Variants in KHDRBS1 observed in about 807,000 individuals in gnomAD.
KHDRBS1 encodes KH RNA binding domain containing, signal transduction associated 1, also known as KH domain-containing, RNA-binding, signal transduction-associated protein 1.
KHDRBS1 carries 7 observed loss-of-function variants against 48.4 expected under a neutral mutation model. That is an observed-to-expected ratio of 0.14 (90% CI 0.08 to 0.27). The LOEUF (loss-of-function observed/expected upper bound fraction) is 0.27. Among genes scored for constraint, KHDRBS1 ranks in the 10% least tolerant of loss-of-function variants. KHDRBS1 has a pLI of 1.00. For missense variants in KHDRBS1, 458 were observed against 601.2 expected (o/e 0.76, Z 2.49); for synonymous variants, 241 against 235.8 (o/e 1.02, Z -0.20).
In KHDRBS1 at chr1:32,037,028, C is replaced by T. The variant is rs1283601987; in HGVS notation, c.890C>T (p.Pro297Leu). The T allele has an allele frequency of 1.2e-6, 2 of 1,613,858 alleles. No homozygotes were observed. The highest frequency in any genetic ancestry group is 1.7e-6 in the Non-Finnish European group (2 of 1,179,924). The change falls in exon 5 of 9, where the codon CCA (proline) becomes CTA (leucine). Residue 297 changes from proline to leucine, a missense_variant. Coordinates refer to ENST00000327300, the MANE Select transcript of KHDRBS1 (RefSeq NM_006559.3). Reference protein sequence around the residue: ...PVRGRGAAPPPPPVPRGRGVG... With the variant: ...PVRGRGAAPPLPPVPRGRGVG... Reference sequence around the variant, plus strand: ...AGAGGCCGGGGAGCTGCACCTCCTCCACCACCTGTTCCCAGGTAAAAATAA... The same window carrying T: ...AGAGGCCGGGGAGCTGCACCTCCTCTACCACCTGTTCCCAGGTAAAAATAA...
chr1:32,049,791 A>T (rs1639395897), intron 10 of KHDRBS1, among the ~76,000 whole-genome samples: 1 of 151,268 alleles, frequency 6.6e-6, no homozygotes. Context: ...CCTCCCAAGC[A>T]GCTGGGAATA....
At chr1:32,027,946 C>T (rs570449129) in intron 1 of KHDRBS1, among the ~76,000 whole-genome samples, 1 of 152,244 alleles carries the variant, frequency 6.6e-6, no homozygotes, top group South Asian at 2.1e-4. Context: ...AACCCCATCT[C>T]TACTAAAAAT....
At chr1:32,018,626 G>A (rs1205282758) in intron 1 of KHDRBS1, among the ~76,000 whole-genome samples, 2 of 152,058 alleles carry the variant, frequency 1.3e-5, no homozygotes, top group East Asian at 1.9e-4. Context: ...GCGCAGTGGC[G>A]GGCGCCTGTA....
chr1:32,019,410 C>T lies in KHDRBS1; in HGVS notation c.382+5033C>T, dbSNP rs185320984. On this transcript the variant is annotated intron_variant, in intron 1 of 8. Coordinates refer to ENST00000327300, the MANE Select transcript of KHDRBS1 (RefSeq NM_006559.3). ...ACTAAAAATACAAAAATTAGTTGGG[C>T]GTGGTGGCAGGTGCCTGTAATGCCG... Among the ~76,000 whole-genome samples, 1,036 of 151,476 alleles carry T rather than the reference C, an allele frequency of 6.8e-3. 17 individuals carry two copies. Among genetic ancestry groups the T allele is most frequent in the African/African-American group, 0.024 (993 of 41,302 alleles).
intron 1 of KHDRBS1, among the ~76,000 whole-genome samples, chr1:32,016,564 G>T (rs545111826): frequency 9.9e-5 from 15 of 152,200 alleles, no homozygotes; most frequent in Non-Finnish European, 2.2e-4. Flanking sequence ...GGGCAGTGAA[G>T]ATGATAAGGC....
At chr1:32,034,706 G>A (rs528624334) in intron 4 of KHDRBS1, among the ~76,000 whole-genome samples, 2 of 152,030 alleles carry the variant, frequency 1.3e-5, no homozygotes, top group African/African-American at 2.4e-5. Context: ...GGCAGGGCGC[G>A]GTGGCTCACA....
intron 1 of KHDRBS1, among the ~76,000 whole-genome samples, chr1:32,014,589 C>T (rs1174476760): frequency 1.3e-5 from 2 of 152,238 alleles, no homozygotes; most frequent in Non-Finnish European, 2.9e-5. Flanking sequence ...CCGAAGGCGA[C>T]TTTGCGATCC....
At chr1:32,035,970 A>G (rs1234978416) in intron 4 of KHDRBS1, among the ~76,000 whole-genome samples, 2 of 152,128 alleles carry the variant, frequency 1.3e-5, no homozygotes, top group African/African-American at 2.4e-5. Context: ...GGTGGACAAA[A>G]AAGACAGTAT....
intron 1 of KHDRBS1, among the ~76,000 whole-genome samples, chr1:32,019,081 G>C (rs1225059559): frequency 6.6e-6 from 1 of 152,224 alleles, no homozygotes; most frequent in South Asian, 2.1e-4. Flanking sequence ...CTGGGCGACA[G>C]AGCGAGACTC....
At position 32,014,119 on chromosome 1, in the gene KHDRBS1, C is replaced by T. The variant is rs1203713437; in HGVS notation, c.124C>T (p.His42Tyr). 1 of 1,417,086 alleles carries T rather than the reference C, an allele frequency of 7.1e-7. No homozygotes were observed. Among genetic ancestry groups the T allele is most frequent in the Non-Finnish European group, 9.2e-7 (1 of 1,086,588 alleles). The allele number at this position is 1,417,086 out of a possible 1,614,324, so 87.8% of individuals were successfully genotyped here. A position where few individuals can be genotyped will look rare whatever the true frequency, so the allele number is the denominator to read the frequency against. The change falls in exon 1 of 9, where the codon CAC (histidine) becomes TAC (tyrosine). Residue 42 changes from histidine (H) to tyrosine (Y), a missense_variant. His to Tyr is a moderately conservative substitution (Grantham distance 83). Around this residue, in one of 3 missense-constraint regions of KHDRBS1, gnomAD observed 213 missense variants for 215.6 expected, o/e 0.99. Transcript: ENST00000327300. ...GCCGTCTCGGCAGCCGCCGCTGCCT[C>T]ACCGGTCCCGGGGAGGCGGAGGGGG... ...QTPSRQPPLP[H>Y]RSRGGGGGSR... is the part of the protein sequence containing the mutation.
chr1:32,015,119 A>C (rs552891593), intron 1 of KHDRBS1, among the ~76,000 whole-genome samples: 1 of 152,326 alleles, frequency 6.6e-6, no homozygotes, highest in African/African-American at 2.4e-5. Context: ...GACGTTTCCC[A>C]ACGAGATGGA....
chr1:32,030,773 TC>T lies in KHDRBS1; in HGVS notation c.507+352del, dbSNP rs1348639924. Among the ~76,000 whole-genome samples, 3 of 151,900 alleles carry T rather than the reference TC, an allele frequency of 2.0e-5. No homozygotes were observed. In the East Asian group the frequency reaches 5.8e-4, roughly 29 times the overall value. The stretch of plus-strand genomic sequence containing the variant: ...ATAAAAGGAAATATAATATGAATCC[TC>T]AATTGGTTGAAGTTAATTTTATTTT... On this transcript the variant is annotated intron_variant, in intron 2 of 8. Coordinates refer to ENST00000327300, the MANE Select transcript of KHDRBS1 (RefSeq NM_006559.3).
At chr1:32,038,164 C>G (rs1279544004) in intron 6 of KHDRBS1, 128 bp downstream of exon 6, 1 of 1,400,542 alleles carries the variant, frequency 7.1e-7, no homozygotes, top group Admixed American at 2.4e-5. Flanking sequence ...CTGCCCTCTT[C>G]TCTTGCAGTG....
intron 1 of KHDRBS1, among the ~76,000 whole-genome samples, chr1:32,018,733 G>T (rs1412966076): frequency 6.6e-6 from 1 of 150,926 alleles, no homozygotes; most frequent in African/African-American, 2.4e-5. Flanking sequence ...CTCCAGCCTG[G>T]GGGACAGAGT....
At chr1:32,051,701 A>G (rs987556081) in intron 10 of KHDRBS1, among the ~76,000 whole-genome samples, 12 of 152,142 alleles carry the variant, frequency 7.9e-5, no homozygotes, top group African/African-American at 2.9e-4. Context: ...GACAGTTACT[A>G]TTGAGGGAAT....
intron 10 of KHDRBS1, among the ~76,000 whole-genome samples, chr1:32,055,963 T>A (rs546496234): frequency 8.3e-4 from 126 of 152,254 alleles, no homozygotes; most frequent in Non-Finnish European, 1.2e-3. Flanking sequence ...ACTGTAGCAC[T>A]CTCTGTTTTT....
intron 10 of KHDRBS1, among the ~76,000 whole-genome samples, chr1:32,049,011 A>T (rs1299903896): frequency 1.3e-5 from 2 of 151,552 alleles, no homozygotes; most frequent in African/African-American, 4.8e-5. Flanking sequence ...AAATTATACA[A>T]TAAGTGGTCT....
intron 1 of KHDRBS1, among the ~76,000 whole-genome samples, chr1:32,015,292 G>T (rs1179986542): frequency 6.6e-6 from 1 of 152,036 alleles, no homozygotes; most frequent in African/African-American, 2.4e-5. Flanking sequence ...TCACCTAGTC[G>T]CTCTGATTTT....
chr1:32,041,638 G>A (rs185784767), intron 8 of KHDRBS1, among the ~76,000 whole-genome samples: 2 of 127,556 alleles, frequency 1.6e-5, no homozygotes, highest in Admixed American at 2.2e-4. Flanking sequence ...TGTCCAGGCT[G>A]GAGTGGAGTG....
Sources: allele counts gnomAD v4.1 joint callset (sites outside exome capture counted in the v4.1 genomes callset), GRCh38; gene constraint gnomAD v4.1.1; regional missense constraint gnomAD v4.1.1; transcripts MANE v1.5; gene names NCBI Gene and HGNC (gene_info 2026-07-23, HGNC 2026-07-21).